The following NCOR1 variants were observed in gnomAD, a reference collection of about 807,000 sequenced individuals.
NCOR1 encodes the protein nuclear receptor corepressor 1, also known as protein phosphatase 1, regulatory subunit 109.
NCOR1 carries 63 observed loss-of-function variants against 288.1 expected under a neutral mutation model. That is an observed-to-expected ratio of 0.22 (90% confidence interval 0.18 to 0.27). The LOEUF is 0.27. Among genes scored for constraint, NCOR1 ranks in the 10% least tolerant of loss-of-function variants. NCOR1 has a pLI of 1.00. For missense variants in NCOR1, 2,397 were observed against 3,019.2 expected, an observed-to-expected ratio of 0.79 and a Z score of 4.83; for synonymous variants, 1,007 against 1,065.9, an observed-to-expected ratio of 0.94 and a Z score of 1.08.
intron 21 of NCOR1, among the ~76,000 whole-genome samples, chr17:16,092,677 ATATATATATATATATATATTTTTTTTT>A (rs2065503324): frequency 1.7e-4 from 3 of 17,744 alleles, no homozygotes; most frequent in South Asian, 6.1e-3. Flanking sequence ...ATATATATAT[ATATATATATATATATATATTTTTTTTT>A]TTTTTTTTTT....
intron 42 of NCOR1, among the ~76,000 whole-genome samples, chr17:16,046,379 T>C (rs1022577691): frequency 2.0e-5 from 3 of 152,248 alleles, no homozygotes; most frequent in Admixed American, 1.3e-4. Context: ...AAACAGCTAA[T>C]AGTCTTAGGC....
intron 22 of NCOR1, 21 bp from the exon 23 acceptor site, chr17:16,086,463 T>C (rs2064244367): frequency 6.2e-7 from 1 of 1,601,472 alleles, no homozygotes; most frequent in African/African-American, 1.3e-5. Flanking sequence ...GAAAGAAAAA[T>C]GATTTTAAAC....
chr17:16,085,370 A>G (rs1430750417), intron 23 of NCOR1, among the ~76,000 whole-genome samples: 1 of 152,166 alleles, frequency 6.6e-6, no homozygotes, highest in Non-Finnish European at 1.5e-5. Flanking sequence ...TAGTAATTCC[A>G]CTCCCAGGTA....
Position 16,162,228 on chromosome 17 carries a change from G to A in NCOR1, c.618+2751C>T, listed in dbSNP as rs546885982. 5.3e-5 allele frequency among the ~76,000 whole-genome samples: 8 copies of A among 152,118 alleles called. No individual in the cohort carries two copies. The South Asian group carries it at 1.7e-3, about 32-fold the overall frequency. On this transcript the variant is annotated intron_variant, in intron 5 of 45. Coordinates refer to ENST00000268712, the MANE Select transcript of NCOR1 (RefSeq NM_006311.4). ...TAATTGAAAAGGAAAATGTAAACTG[G>A]AAGACAGGCTGAAGAAATTGCTCAG...
chr17:16,151,382 C>T (rs1293578877), intron 8 of NCOR1, among the ~76,000 whole-genome samples: 2 of 152,104 alleles, frequency 1.3e-5, no homozygotes, highest in African/African-American at 4.8e-5. Context: ...CACAAGGTGA[C>T]TGAGCGCTTC....
intron 8 of NCOR1, chr17:16,151,741 C>A (rs1796676009): frequency 9.3e-7 from 1 of 1,072,574 alleles, no homozygotes. Flanking sequence ...TAATTTATTT[C>A]ATTTTTTGGC....
Position 16,068,134 on chromosome 17 carries a change from A to T in NCOR1, c.4514-13T>A. 2 of 1,572,616 alleles carry T rather than the reference A, an allele frequency of 1.3e-6. No homozygotes were observed. The highest frequency in any genetic ancestry group is 1.7e-6 in the Non-Finnish European group (2 of 1,150,680). ...GAAGAAATTGTAACTGGAAAAAAAGAGCCAATGCCACAAGTTCTTAAGAAA... is the reference window on the plus strand; with the variant it reads ...GAAGAAATTGTAACTGGAAAAAAAGTGCCAATGCCACAAGTTCTTAAGAAA... On this transcript the variant is annotated splice_polypyrimidine_tract_variant and intron_variant, in intron 31 of 45. Transcript: ENST00000268712.
intron 27 of NCOR1, 30 bp downstream of exon 27, chr17:16,075,504 C>T: frequency 6.2e-7 from 1 of 1,603,220 alleles, no homozygotes; most frequent in Non-Finnish European, 8.5e-7. Flanking sequence ...TATTGTAATA[C>T]TGGCTTTGGT....
intron 23 of NCOR1, among the ~76,000 whole-genome samples, chr17:16,082,476 GAAACC>G (rs2063548329): frequency 6.6e-6 from 1 of 152,084 alleles, no homozygotes; most frequent in African/African-American, 2.4e-5. Flanking sequence ...TACACTTTGG[GAAACC>G]CAGGCAGGAG....
At position 16,091,298 on chromosome 17, in the gene NCOR1, C is replaced by A. The variant is rs188256880; in HGVS notation, c.3016+565G>T. Among the ~76,000 whole-genome samples, 8 of 152,284 alleles carry A rather than the reference C, an allele frequency of 5.3e-5. No individual in the cohort carries two copies. In the South Asian group the frequency reaches 1.4e-3, roughly 28 times the overall value. ...TGTTATATAACAATACCGAATGCTC[C>A]TTCCTTAACTTTACAACCACAGCAA... On this transcript the variant is annotated intron_variant, in intron 22 of 45. Coordinates refer to ENST00000268712, the MANE Select transcript of NCOR1 (RefSeq NM_006311.4).
chr17:16,128,942 A>G (rs1165275826), intron 14 of NCOR1, among the ~76,000 whole-genome samples: 1 of 152,152 alleles, frequency 6.6e-6, no homozygotes, highest in Non-Finnish European at 1.5e-5. Flanking sequence ...ATATTTTAAA[A>G]ATAATTCCTT....
At chr17:16,072,627 T>C (rs970911026) in intron 28 of NCOR1, among the ~76,000 whole-genome samples, 2 of 152,178 alleles carry the variant, frequency 1.3e-5, no homozygotes, top group African/African-American at 2.4e-5. Flanking sequence ...AAATGAAACA[T>C]GCAAATTGAA....
chr17:16,164,218 G>C (rs746077047), intron 5 of NCOR1, among the ~76,000 whole-genome samples: 3 of 149,294 alleles, frequency 2.0e-5, no homozygotes, highest in Non-Finnish European at 3.0e-5. Context: ...TCCAGCCTCG[G>C]TGACAGAGTG....
chr17:16,131,094 G>A (rs1451846931), intron 14 of NCOR1, among the ~76,000 whole-genome samples: 1 of 147,152 alleles, frequency 6.8e-6, no homozygotes. Flanking sequence ...CTCAAGCGAT[G>A]CTCCCACCTC....
chr17:16,060,594 AAATTAT>A (rs1458609307), intron 37 of NCOR1, among the ~76,000 whole-genome samples: 1 of 152,232 alleles, frequency 6.6e-6, no homozygotes, highest in Non-Finnish European at 1.5e-5. Context: ...TGACGTAAAC[AAATTAT>A]AATTAAGCTA....
chr17:16,115,125 T>C (rs2071310502), intron 18 of NCOR1, among the ~76,000 whole-genome samples: 1 of 152,186 alleles, frequency 6.6e-6, no homozygotes, highest in South Asian at 2.1e-4. Context: ...TGCAAAGGCT[T>C]GGGGCTTGCA....
At chr17:16,092,684 T>TAC (rs2065540535) in intron 21 of NCOR1, among the ~76,000 whole-genome samples, 2 of 18,168 alleles carry the variant, frequency 1.1e-4, no homozygotes, top group African/African-American at 5.4e-4. Flanking sequence ...TATATATATA[T>TAC]ATATATATAT....
In NCOR1 at chr17:16,153,404, A is replaced by G. The variant is rs576272545; in HGVS notation, c.733-9T>C. The G allele has an allele frequency of 8.3e-6, 13 of 1,574,046 alleles. No homozygotes were observed. The highest frequency in any genetic ancestry group is 1.7e-4 in the Middle Eastern group (1 of 5,948). ...GCTTCTTCTGCTTTTTTCTAGAGATAAAGACATTGTTGTATCATATAATTA... is the reference window on the plus strand; with the variant it reads ...GCTTCTTCTGCTTTTTTCTAGAGATGAAGACATTGTTGTATCATATAATTA... On this transcript the variant is annotated splice_polypyrimidine_tract_variant and intron_variant, in intron 6 of 45. Coordinates refer to ENST00000268712, the MANE Select transcript of NCOR1 (RefSeq NM_006311.4).
At chr17:16,214,945 C>A (rs570127093) in intron 1 of NCOR1, among the ~76,000 whole-genome samples, 2 of 152,242 alleles carry the variant, frequency 1.3e-5, no homozygotes, top group African/African-American at 2.4e-5. Context: ...TCCGCAGCCC[C>A]TTCTACACTT....
Sources: gnomAD v4.1 joint callset for allele counts (sites outside exome capture counted in the v4.1 genomes callset) on GRCh38, gnomAD v4.1.1 for gene constraint, MANE v1.5 for transcripts, NCBI Gene and HGNC (gene_info 2026-07-23, HGNC 2026-07-21) for gene names.